The following DIP2B variants were observed in gnomAD, a reference collection of about 807,000 sequenced individuals.
DIP2B encodes disco-interacting protein 2 homolog B.
In DIP2B, 76 loss-of-function variants were observed where a neutral mutation model predicts 198.0. That is an observed-to-expected ratio of 0.38 (90% CI 0.32 to 0.46). The LOEUF (loss-of-function observed/expected upper bound fraction) is 0.46. Among genes scored for constraint, DIP2B ranks in the 20% least tolerant of loss-of-function variants. The probability of loss-of-function intolerance (pLI) is 0.99; values close to 1 mark genes in which losing one functional copy is unlikely to be tolerated. For missense variants in DIP2B, 1,559 were observed against 1,978.4 expected, an observed-to-expected ratio of 0.79 and a Z score of 4.02; for synonymous variants, 701 against 739.1, an observed-to-expected ratio of 0.95 and a Z score of 0.84.
At position 50,678,891 on chromosome 12, in the gene DIP2B, T is replaced by C. The variant is rs757534191; in HGVS notation, c.1114+15T>C. 13 of 1,613,810 alleles carry C rather than the reference T, an allele frequency of 8.1e-6. No homozygotes were observed. The highest frequency in any genetic ancestry group is 1.1e-5 in the Non-Finnish European group (13 of 1,179,816). On this transcript the variant is annotated intron_variant, in intron 8 of 37. Transcript: ENST00000301180. ...TCTTACATATGGTGAGTCTGCAAGA[T>C]TCCAGATCCTTCTCTCCTGAGAGTT...
At chr12:50,630,310 T>A (rs958138670) in intron 2 of DIP2B, among the ~76,000 whole-genome samples, 4 of 152,196 alleles carry the variant, frequency 2.6e-5, no homozygotes, top group Non-Finnish European at 5.9e-5. Flanking sequence ...ATATTCTCTT[T>A]GTTTGTAAAC....
chr12:50,561,807 C>T (rs1958521572), intron 1 of DIP2B, among the ~76,000 whole-genome samples: 1 of 152,056 alleles, frequency 6.6e-6, no homozygotes, highest in African/African-American at 2.4e-5. Context: ...TGGGTTTCAC[C>T]CATGTTGGCC....
intron 1 of DIP2B, among the ~76,000 whole-genome samples, chr12:50,510,836 G>A (rs1042151763): frequency 6.6e-6 from 1 of 151,822 alleles, no homozygotes; most frequent in Non-Finnish European, 1.5e-5. Context: ...GTAGAAATGG[G>A]GTTTCCCTAT....
chr12:50,609,677 C>T (rs1166133346), intron 1 of DIP2B, among the ~76,000 whole-genome samples: 1 of 152,204 alleles, frequency 6.6e-6, no homozygotes, highest in African/African-American at 2.4e-5. Context: ...CCGTACCTAC[C>T]TATGAGGGGA....
chr12:50,726,796 C>T (rs1192223548), intron 28 of DIP2B, among the ~76,000 whole-genome samples: 1 of 151,986 alleles, frequency 6.6e-6, no homozygotes, highest in Non-Finnish European at 1.5e-5. Flanking sequence ...TCACTGCACC[C>T]AGATAGATTA....
chr12:50,534,545 G>T (rs918311880), intron 1 of DIP2B, among the ~76,000 whole-genome samples: 3 of 151,802 alleles, frequency 2.0e-5, no homozygotes, highest in African/African-American at 7.3e-5. Flanking sequence ...GCTAATTTTT[G>T]TACAGATGGG....
chr12:50,642,927 C>T (rs1938283611), intron 3 of DIP2B, among the ~76,000 whole-genome samples: 1 of 152,170 alleles, frequency 6.6e-6, no homozygotes, highest in Non-Finnish European at 1.5e-5. Context: ...CTAGTGTTGC[C>T]TTTTCAGGCT....
At chr12:50,579,822 T>C (rs2139418462) in intron 1 of DIP2B, among the ~76,000 whole-genome samples, 1 of 150,832 alleles carries the variant, frequency 6.6e-6, no homozygotes, top group East Asian at 1.9e-4. Context: ...CTGACTCAAC[T>C]GTATTTCCTT....
At position 50,714,431 on chromosome 12, in the gene DIP2B, C is replaced by T. The variant is rs1242018844; in HGVS notation, c.2686C>T (p.Leu896Phe). Residue 896 changes from leucine (L) to phenylalanine (F), a missense_variant, in exon 23 of 38, where the codon CTT (leucine) becomes TTT (phenylalanine). Transcript: ENST00000301180. ...DSIHQVGVYC[L>F]ALVPANTLPK... ...CATTCATCAAGTGGGGGTTTATTGT[C>T]TTGCTCTGGTGCCAGCCAATACATT... 1.2e-6 allele frequency: 2 copies of T among 1,614,042 alleles called. No homozygotes were observed. The highest frequency in any genetic ancestry group is 1.7e-6 in the Non-Finnish European group (2 of 1,180,038).
intron 25 of DIP2B, among the ~76,000 whole-genome samples, chr12:50,720,698 C>T (rs1277709506): frequency 6.6e-6 from 1 of 152,100 alleles, no homozygotes; most frequent in African/African-American, 2.4e-5. Context: ...AGGAGGATGG[C>T]TTGAACCCAG....
In DIP2B at chr12:50,732,542, C is replaced by G; in HGVS notation, c.3981+6C>G. On this transcript the variant is annotated splice_donor_region_variant and intron_variant, in intron 32 of 37. Coordinates refer to ENST00000301180, the MANE Select transcript of DIP2B (RefSeq NM_173602.3). ...ATGTAGCAATATGTTTACAGGTGAC[C>G]CTCATGAAATCTTGTCTGTTGACAA... 6.2e-7 allele frequency: 1 copy of G among 1,613,864 alleles called. No homozygotes were observed. Among genetic ancestry groups the G allele is most frequent in the Non-Finnish European group, 8.5e-7 (1 of 1,179,960 alleles).
rs1939325075 is a variant in DIP2B, at chr12:50,697,051, A to T, written c.1934-10A>T. The T allele has an allele frequency of 1.9e-6, 3 of 1,610,888 alleles. No individual in the cohort carries two copies. The highest frequency in any genetic ancestry group is 2.5e-6 in the Non-Finnish European group (3 of 1,177,712). On this transcript the variant is annotated splice_polypyrimidine_tract_variant and intron_variant, in intron 16 of 37. Transcript: ENST00000301180. Reference sequence around the variant, plus strand: ...TTTCAGCTTCAGGTTGATCTGTTCCAACTCCTTAGGGTCCGTGTCATCCTG... The same window carrying T: ...TTTCAGCTTCAGGTTGATCTGTTCCTACTCCTTAGGGTCCGTGTCATCCTG...
At chr12:50,561,925 T>A (rs1958522611) in intron 1 of DIP2B, among the ~76,000 whole-genome samples, 1 of 152,196 alleles carries the variant, frequency 6.6e-6, no homozygotes, top group Non-Finnish European at 1.5e-5. Flanking sequence ...ACCATCTCTT[T>A]TATAAATATT....
intron 22 of DIP2B, among the ~76,000 whole-genome samples, chr12:50,713,116 T>A (rs890254510): frequency 4.6e-5 from 7 of 152,194 alleles, no homozygotes; most frequent in African/African-American, 1.2e-4. Context: ...TAAATTTTTT[T>A]AAAAATTAAA....
At chr12:50,560,493 G>T (rs1008004504) in intron 1 of DIP2B, among the ~76,000 whole-genome samples, 1 of 152,166 alleles carries the variant, frequency 6.6e-6, no homozygotes, top group Non-Finnish European at 1.5e-5. Context: ...ACTTGAACCT[G>T]GGAGGCGGAG....
chr12:50,521,339 T>A (rs1958117247), intron 1 of DIP2B, among the ~76,000 whole-genome samples: 1 of 151,812 alleles, frequency 6.6e-6, no homozygotes, highest in Admixed American at 6.6e-5. Context: ...ACTCTTGACC[T>A]CGTGATCCAC....
In DIP2B at chr12:50,584,944, C is replaced by T. The variant is rs538251712; in HGVS notation, c.101-41032C>T. ...CATGTAGAATCAATTACGACTCCTT[C>T]AGGAACCTGCCTGCTTCTCCTGCTT... On this transcript the variant is annotated intron_variant, in intron 1 of 37. Coordinates refer to ENST00000301180, the MANE Select transcript of DIP2B (RefSeq NM_173602.3). Among the ~76,000 whole-genome samples the T allele has an allele frequency of 3.3e-5, 5 of 152,328 alleles. No individual in the cohort carries two copies. The South Asian group carries it at 6.2e-4, about 19-fold the overall frequency.
intron 1 of DIP2B, among the ~76,000 whole-genome samples, chr12:50,528,458 A>G (rs1958187548): frequency 6.6e-6 from 1 of 151,818 alleles, no homozygotes; most frequent in Non-Finnish European, 1.5e-5. Context: ...GGAAAAGTAT[A>G]GTGATTAGTA....
intron 4 of DIP2B, among the ~76,000 whole-genome samples, chr12:50,661,131 A>T (rs903561963): frequency 3.9e-5 from 6 of 152,110 alleles, no homozygotes; most frequent in East Asian, 3.9e-4. Flanking sequence ...CTCGAAAAAA[A>T]TTTTTTTTAG....
Sources: gnomAD v4.1 joint callset for allele counts (sites outside exome capture counted in the v4.1 genomes callset) on GRCh38, gnomAD v4.1.1 for gene constraint, MANE v1.5 for transcripts, NCBI Gene and HGNC (gene_info 2026-07-23, HGNC 2026-07-21) for gene names.